The following SYNPO variants were observed in gnomAD, a reference collection of about 807,000 sequenced individuals.
SYNPO encodes synaptopodin.
Under a neutral mutation model 49.5 loss-of-function variants are expected in SYNPO, and 19 were observed. The ratio of observed to expected loss-of-function variants is 0.38; its 90% confidence interval spans 0.27 to 0.56. The LOEUF (loss-of-function observed/expected upper bound fraction) is 0.56, where lower values mean the gene tolerates loss of function less well. Ranked by LOEUF, SYNPO falls within the 20% of genes least tolerant of loss-of-function variation. The pLI, the probability that SYNPO is intolerant of heterozygous loss-of-function variation, is 0.68. For missense variants in SYNPO, 1,131 were observed against 1,248.3 expected (o/e 0.91, Z 1.42); for synonymous variants, 536 against 548.0 (o/e 0.98, Z 0.31).
intron 1 of SYNPO, chr5:150,614,788 A>G (rs1756940407): frequency 6.6e-6 from 1 of 152,172 alleles, no homozygotes; most frequent in Non-Finnish European, 1.5e-5. Flanking sequence ...TCTCCTACCC[A>G]CAGAGGAGAT....
At chr5:150,598,417 AC>A (rs1382265605), upstream of SYNPO, among the ~76,000 whole-genome samples, 3 of 152,144 alleles carry the variant, frequency 2.0e-5, no homozygotes, top group Non-Finnish European at 2.9e-5. Flanking sequence ...CGTAGGACAC[AC>A]TTAAATACCC....
chr5:150,625,026 G>T, intron 2 of SYNPO: 3 of 953,662 alleles, frequency 3.1e-6, no homozygotes, highest in Non-Finnish European at 3.7e-6. Context: ...TCCAGTCCTC[G>T]CACGCGGGGT....
At chr5:150,613,186 C>T (rs191596944) in intron 1 of SYNPO, among the ~76,000 whole-genome samples, 62 of 152,292 alleles carry the variant, frequency 4.1e-4, no homozygotes, top group African/African-American at 1.4e-3. Context: ...CAGTCCCATG[C>T]CTGCTGGTCT....
chr5:150,601,230 G>C (rs1756530909), intron 1 of SYNPO: 1 of 152,542 alleles, frequency 6.6e-6, no homozygotes, highest in Admixed American at 6.5e-5. Flanking sequence ...GGCCTTCCAG[G>C]GGAGAGGGGG....
upstream of SYNPO, among the ~76,000 whole-genome samples, chr5:150,639,471 G>A (rs147128577): frequency 3.5e-4 from 53 of 152,282 alleles, no homozygotes; most frequent in East Asian, 8.1e-3. Flanking sequence ...TGGCCGTTGG[G>A]CTGGGCCTGG....
the SYNPO span, among the ~76,000 whole-genome samples, chr5:150,591,343 T>A: frequency 7.9e-5 from 12 of 152,198 alleles, no homozygotes; most frequent in Admixed American, 4.6e-4. Context: ...GAGAATGGAC[T>A]GAAACCTCTC....
chr5:150,645,969 A>G (rs925727355), intron 1 of SYNPO, among the ~76,000 whole-genome samples: 1 of 152,234 alleles, frequency 6.6e-6, no homozygotes, highest in South Asian at 2.1e-4. Flanking sequence ...AGGAGATAGA[A>G]GAAACTGATT....
At chr5:150,644,252 C>T (rs1342080974) in intron 1 of SYNPO, among the ~76,000 whole-genome samples, 1 of 152,012 alleles carries the variant, frequency 6.6e-6, no homozygotes, top group African/African-American at 2.4e-5. Context: ...TGGAAGACAC[C>T]TCCCGGGGGA....
chr5:150,603,227 C>G (rs1027368430), intron 1 of SYNPO, among the ~76,000 whole-genome samples: 2 of 152,236 alleles, frequency 1.3e-5, no homozygotes, highest in Admixed American at 1.3e-4. Flanking sequence ...TTTGAATCAC[C>G]AGGATGGGTG....
At chr5:150,643,595 C>T (rs1355053885) in intron 1 of SYNPO, among the ~76,000 whole-genome samples, 3 of 152,120 alleles carry the variant, frequency 2.0e-5, no homozygotes, top group Non-Finnish European at 2.9e-5. Context: ...AGTGCAGTGG[C>T]GTGATCTCGG....
chr5:150,618,682 C>A (rs1757053505), exon 2 of SYNPO: 1 of 1,550,598 alleles, frequency 6.4e-7, no homozygotes, highest in Admixed American at 2.0e-5. Context: ...ACAGGGCCAG[C>A]CAGGACTGGG....
At chr5:150,629,346 T>A (rs533928923) in intron 2 of SYNPO, among the ~76,000 whole-genome samples, 2 of 152,164 alleles carry the variant, frequency 1.3e-5, no homozygotes, top group Admixed American at 6.5e-5. Context: ...CAGCGGAAAA[T>A]GCCTGGACTG....
chr5:150,594,585 C>T, the SYNPO span, among the ~76,000 whole-genome samples: 2 of 152,164 alleles, frequency 1.3e-5, no homozygotes, highest in African/African-American at 4.8e-5. Flanking sequence ...TCAGTTTCCC[C>T]AACTGTAAGA....
chr5:150,624,697 C>T (rs1448399870), intron 2 of SYNPO: 1 of 367,810 alleles, frequency 2.7e-6, no homozygotes, highest in East Asian at 1.6e-4. Context: ...GCCCGCCCGC[C>T]CAGCGCTCCC....
At chr5:150,638,870 G>A (rs919728235), upstream of SYNPO, among the ~76,000 whole-genome samples, 9 of 152,236 alleles carry the variant, frequency 5.9e-5, no homozygotes, top group Non-Finnish European at 1.2e-4. Flanking sequence ...GGCTTCCAGG[G>A]AGCTGGGGCT....
upstream of SYNPO, chr5:150,640,029 C>T (rs1186910351): frequency 3.0e-6 from 2 of 659,064 alleles, no homozygotes; most frequent in Non-Finnish European, 3.8e-6. Flanking sequence ...TTGCTGCACC[C>T]CTCTGAGCCA....
At chr5:150,592,836 A>G in the SYNPO span, among the ~76,000 whole-genome samples, 2 of 152,196 alleles carry the variant, frequency 1.3e-5, no homozygotes, top group Admixed American at 1.3e-4. Flanking sequence ...AAGGGCTTTT[A>G]AGGGTATCTC....
chr5:150,611,514 G>A (rs150464907), intron 1 of SYNPO, among the ~76,000 whole-genome samples: 3 of 152,216 alleles, frequency 2.0e-5, no homozygotes, highest in East Asian at 3.9e-4. Context: ...CCACTACCTC[G>A]TGCCAAGGGC....
chr5:150,640,591 G>T, upstream of SYNPO: 2 of 948,666 alleles, frequency 2.1e-6, no homozygotes, highest in Non-Finnish European at 2.5e-6. Context: ...CGTGGGGCGG[G>T]TAGATTGGCG....
Sources: gnomAD v4.1 joint callset for allele counts (sites outside exome capture counted in the v4.1 genomes callset) on GRCh38, gnomAD v4.1.1 for gene constraint, MANE v1.5 for transcripts, NCBI Gene and HGNC (gene_info 2026-07-23, HGNC 2026-07-21) for gene names.